The following CDC45 variants were observed in gnomAD, a reference collection of about 807,000 sequenced individuals.
CDC45 encodes the protein cell division cycle 45.
Under a neutral mutation model 77.8 loss-of-function variants are expected in CDC45, and 54 were observed. The ratio of observed to expected loss-of-function variants is 0.69; its 90% CI spans 0.56 to 0.87. CDC45 has a LOEUF of 0.87. Among genes scored for constraint, CDC45 ranks in the 40% least tolerant of loss-of-function variants. The pLI, the probability that CDC45 is intolerant of heterozygous loss-of-function variation, is 0.00. For missense variants in CDC45, 649 were observed against 721.6 expected (o/e 0.90, Z 1.15); for synonymous variants, 260 against 272.1 (o/e 0.96, Z 0.44).
chr22:19,484,033 C>A, intron 5 of CDC45, 28 bp downstream of exon 5: 1 of 1,573,254 alleles, frequency 6.4e-7, no homozygotes, highest in South Asian at 1.2e-5. Flanking sequence ...ACAGCTATCC[C>A]AGAGGAACTT....
chr22:19,502,327 A>T (rs1932929081), intron 9 of CDC45, among the ~76,000 whole-genome samples: 1 of 152,222 alleles, frequency 6.6e-6, no homozygotes, highest in Non-Finnish European at 1.5e-5. Context: ...TTTTTATTTT[A>T]CCAATAATTT....
intron 5 of CDC45, among the ~76,000 whole-genome samples, chr22:19,491,951 G>A (rs1341101435): frequency 6.6e-6 from 1 of 151,896 alleles, no homozygotes; most frequent in Non-Finnish European, 1.5e-5. Context: ...TTATAGACAT[G>A]TGCCACCATG....
intron 17 of CDC45, among the ~76,000 whole-genome samples, chr22:19,517,094 G>A (rs1382978602): frequency 6.6e-6 from 1 of 152,376 alleles, no homozygotes; most frequent in East Asian, 1.9e-4. Flanking sequence ...GGGAAAAAGT[G>A]TTTTCCAGGG....
At chr22:19,503,012 A>T (rs1376726226) in intron 9 of CDC45, among the ~76,000 whole-genome samples, 1 of 152,126 alleles carries the variant, frequency 6.6e-6, no homozygotes, top group Non-Finnish European at 1.5e-5. Context: ...AAAAATAAAA[A>T]AAAAATCAGC....
chr22:19,489,125 G>T (rs2090117549), intron 5 of CDC45, among the ~76,000 whole-genome samples: 2 of 152,088 alleles, frequency 1.3e-5, no homozygotes, highest in South Asian at 4.1e-4. Flanking sequence ...GCAGTGAGCT[G>T]TGAGCACACA....
At chr22:19,516,987 A>T in intron 17 of CDC45, 94 bp downstream of exon 17, 1 of 1,040,720 alleles carries the variant, frequency 9.6e-7, no homozygotes, top group East Asian at 2.5e-5. Context: ...TGGCTGGAGG[A>T]GCCTGGCCAG....
intron 5 of CDC45, among the ~76,000 whole-genome samples, chr22:19,488,652 A>G (rs1046970241): frequency 6.6e-6 from 1 of 152,156 alleles, no homozygotes; most frequent in African/African-American, 2.4e-5. Context: ...TTGTTACTTT[A>G]TTGAGGCATA....
Position 19,479,995 on chromosome 22 carries a change from G to C in CDC45, c.27G>C (p.Glu9Asp). Residue 9 changes from glutamate (E) to aspartate (D), a missense_variant, in exon 1 of 19, where the codon GAG (glutamate) becomes GAC (aspartate). Coordinates refer to ENST00000263201, the MANE Select transcript of CDC45 (RefSeq NM_003504.5). MFVSDFRK[E>D]FYEVVQSQRV... ...TGTTCGTGTCCGATTTCCGCAAAGA[G>C]TTCTACGAGGTGGTCCAGAGCCAGG... 6.2e-7 allele frequency: 1 copy of C among 1,613,922 alleles called. No individual in the cohort carries two copies. Among genetic ancestry groups the C allele is most frequent in the Non-Finnish European group, 8.5e-7 (1 of 1,180,020 alleles).
At chr22:19,496,308 C>T (rs1457613963) in intron 7 of CDC45, among the ~76,000 whole-genome samples, 1 of 152,124 alleles carries the variant, frequency 6.6e-6, no homozygotes, top group African/African-American at 2.4e-5. Flanking sequence ...TATTTTTGTT[C>T]ATCAAAAACA....
intron 5 of CDC45, among the ~76,000 whole-genome samples, chr22:19,489,946 G>A (rs989730341): frequency 6.6e-6 from 1 of 152,116 alleles, no homozygotes; most frequent in Non-Finnish European, 1.5e-5. Context: ...TTTACTTCAC[G>A]TATTTATAGC....
intron 5 of CDC45, among the ~76,000 whole-genome samples, chr22:19,486,653 G>A (rs543709179): frequency 2.0e-5 from 3 of 152,224 alleles, no homozygotes; most frequent in African/African-American, 4.8e-5. Flanking sequence ...ACCTGTGCAT[G>A]ATTTATAACT....
chr22:19,519,004 C>T, intron 18 of CDC45, 95 bp downstream of exon 18: 1 of 970,748 alleles, frequency 1.0e-6, no homozygotes, highest in South Asian at 1.3e-5. Context: ...GAGGCTTCTA[C>T]TTGGGTTTCA....
intron 13 of CDC45, among the ~76,000 whole-genome samples, chr22:19,510,557 G>C (rs755581428): frequency 2.6e-5 from 4 of 152,162 alleles, no homozygotes; most frequent in Non-Finnish European, 4.4e-5. Flanking sequence ...CTGAGACAGA[G>C]TCTCACTCTC....
intron 16 of CDC45, 24 bp from the exon 17 acceptor site, chr22:19,516,793 C>T: frequency 6.2e-7 from 1 of 1,611,970 alleles, no homozygotes; most frequent in Non-Finnish European, 8.5e-7. Flanking sequence ...CGCCTGGCCC[C>T]CGACATGTCT....
intron 7 of CDC45, 100 bp from the exon 8 acceptor site, chr22:19,497,286 G>T: frequency 9.4e-7 from 1 of 1,061,316 alleles, no homozygotes; most frequent in Non-Finnish European, 1.5e-6. Context: ...ATCCGCAGGG[G>T]TTTGCCAGGG....
Position 19,496,019 on chromosome 22 carries a change from A to G in CDC45, c.581A>G (p.His194Arg), listed in dbSNP as rs1433169431. The G allele has an allele frequency of 1.2e-6, 2 of 1,607,606 alleles. No individual in the cohort carries two copies. The highest frequency in any genetic ancestry group is 1.7e-6 in the Non-Finnish European group (2 of 1,174,236). ...ILFDYEQYEYHGTSSAMVMFE... is the reference protein window; with the variant it reads ...ILFDYEQYEYRGTSSAMVMFE... ...TTTGACTACGAGCAGTATGAATATC[A>G]TGGGACATCGGTAAGTATGAATAGG... The change falls in exon 7 of 19, where the codon CAT becomes CGT. Residue 194 changes from histidine to arginine, a missense_variant. Coordinates refer to ENST00000263201, the MANE Select transcript of CDC45 (RefSeq NM_003504.5).
In CDC45 at chr22:19,479,944, C is replaced by G. The variant is rs746235990; in HGVS notation, c.-25C>G. The stretch of plus-strand genomic sequence containing the variant: ...CGGGCTCTTGGTACCTCAGCGCGAG[C>G]GCCAGGCGTCCGGCCGCCGTGGCTA... On this transcript the variant is annotated 5_prime_UTR_variant, in exon 1 of 19. Coordinates refer to ENST00000263201, the MANE Select transcript of CDC45 (RefSeq NM_003504.5). 4.3e-6 allele frequency: 7 copies of G among 1,612,236 alleles called. No homozygotes were observed. The South Asian group carries it at 7.7e-5, about 18-fold the overall frequency.
chr22:19,480,098 A>AG (rs1256354812), intron 1 of CDC45, 60 bp from the exon 2 acceptor site: 3 of 1,611,012 alleles, frequency 1.9e-6, no homozygotes, highest in Non-Finnish European at 2.5e-6. Context: ...GGTGACCGGG[A>AG]GGCAGGGGAG....
At chr22:19,481,070 A>T (rs1407672802) in intron 3 of CDC45, 25 bp downstream of exon 3, 2 of 1,483,746 alleles carry the variant, frequency 1.3e-6, no homozygotes, top group Admixed American at 3.4e-5. Flanking sequence ...TTTTAGAATA[A>T]CGTGGCTTTT....
Sources: gnomAD v4.1 joint callset for allele counts (sites outside exome capture counted in the v4.1 genomes callset) on GRCh38, gnomAD v4.1.1 for gene constraint, MANE v1.5 for transcripts, NCBI Gene and HGNC (gene_info 2026-07-23, HGNC 2026-07-21) for gene names.